Variants in STAC observed in about 807,000 individuals in gnomAD.
STAC encodes the protein SH3 and cysteine rich domain.
A neutral mutation model predicts 48.8 loss-of-function variants in STAC; 43 were observed. That is an observed-to-expected ratio of 0.88 (90% CI 0.69 to 1.14). The LOEUF (loss-of-function observed/expected upper bound fraction) is 1.14. Ranked by LOEUF, STAC falls within the 50% of genes most tolerant of loss-of-function variation. STAC has a pLI of 0.00. For synonymous variants in STAC, 193 were observed against 179.5 expected (o/e 1.07, Z -0.60); for missense variants, 497 against 504.0 (o/e 0.99, Z 0.13).
At position 36,538,741 on chromosome 3, in the gene STAC, T is replaced by C. The variant is rs1367651857; in HGVS notation, c.1111-7450T>C. On this transcript the variant is annotated intron_variant, in intron 10 of 10. Transcript: ENST00000273183. ...TTCATGCTAATCTGCATTTTCTGGA[T>C]GGTTAAAGAGGCTTACATTTTATCT... 2.6e-5 allele frequency among the ~76,000 whole-genome samples: 4 copies of C among 152,234 alleles called. No individual in the cohort carries two copies. The South Asian group carries it at 8.3e-4, about 32-fold the overall frequency.
chr3:36,507,933 G>A (rs1698443797), intron 8 of STAC, among the ~76,000 whole-genome samples: 1 of 152,084 alleles, frequency 6.6e-6, no homozygotes, highest in Admixed American at 6.6e-5. Flanking sequence ...GTTCTGCTCT[G>A]ATCTTAGTTA....
At chr3:36,534,840 A>G (rs1699162491) in intron 10 of STAC, among the ~76,000 whole-genome samples, 1 of 151,950 alleles carries the variant, frequency 6.6e-6, no homozygotes, top group South Asian at 2.1e-4. Flanking sequence ...TGATTTTTGT[A>G]TTTAATGTAG....
chr3:36,539,160 T>C (rs1699265261), intron 10 of STAC, among the ~76,000 whole-genome samples: 1 of 152,218 alleles, frequency 6.6e-6, no homozygotes, highest in Non-Finnish European at 1.5e-5. Flanking sequence ...TAGACTTTTC[T>C]TCTCAGTCAG....
chr3:36,515,415 G>C (rs182313032), intron 8 of STAC, among the ~76,000 whole-genome samples: 21 of 152,250 alleles, frequency 1.4e-4, no homozygotes, highest in African/African-American at 5.1e-4. Context: ...AGCTACAGTA[G>C]GATAAGTGGT....
chr3:36,403,017 C>T (rs1399197441), intron 1 of STAC, among the ~76,000 whole-genome samples: 2 of 152,216 alleles, frequency 1.3e-5, no homozygotes, highest in Non-Finnish European at 2.9e-5. Flanking sequence ...TAAGACGTAA[C>T]ACAAGGATTA....
rs1351937604 is a variant in STAC, at chr3:36,506,881, T to A, written c.920+1047T>A. Among the ~76,000 whole-genome samples, 3 of 152,218 alleles carry A rather than the reference T, an allele frequency of 2.0e-5. No individual in the cohort carries two copies. In the East Asian group the frequency reaches 5.8e-4, roughly 29 times the overall value. On this transcript the variant is annotated intron_variant, in intron 8 of 10. Coordinates refer to ENST00000273183, the MANE Select transcript of STAC (RefSeq NM_003149.3). ...CATGTCCTCTGCAAACAGAGACAAT[T>A]TGACTTCCTCTCTTTCTATTTGAAT... is the stretch of plus-strand genomic sequence containing the variant.
intron 6 of STAC, among the ~76,000 whole-genome samples, chr3:36,497,121 G>T (rs1389500451): frequency 1.3e-5 from 2 of 152,244 alleles, no homozygotes; most frequent in Middle Eastern, 3.4e-3. Context: ...AAAAAGAGCA[G>T]ATATTTTCCT....
chr3:36,533,489 T>G (rs1233598144), intron 10 of STAC, among the ~76,000 whole-genome samples: 10 of 149,858 alleles, frequency 6.7e-5, no homozygotes, highest in Non-Finnish European at 1.2e-4. Context: ...TTTTTTTTTT[T>G]TTTTTTTTTT....
intron 1 of STAC, among the ~76,000 whole-genome samples, chr3:36,432,129 T>C (rs879146315): frequency 6.6e-6 from 1 of 152,230 alleles, no homozygotes; most frequent in Admixed American, 6.5e-5. Flanking sequence ...GTCAGAGTTA[T>C]GAAGTAGCCC....
At chr3:36,396,187 A>G (rs2125621186) in intron 1 of STAC, among the ~76,000 whole-genome samples, 1 of 152,232 alleles carries the variant, frequency 6.6e-6, no homozygotes. Flanking sequence ...ATTTTGTTTT[A>G]GCAGATATTG....
intron 10 of STAC, among the ~76,000 whole-genome samples, chr3:36,535,523 G>A (rs1048398625): frequency 1.1e-4 from 16 of 152,128 alleles, no homozygotes; most frequent in Admixed American, 4.6e-4. Context: ...TAGAAGTGGC[G>A]AGAGAGGGCA....
chr3:36,423,436 C>A (rs962290805), intron 1 of STAC, among the ~76,000 whole-genome samples: 6 of 150,908 alleles, frequency 4.0e-5, no homozygotes, highest in Admixed American at 3.3e-4. Flanking sequence ...TAAATTAAAT[C>A]TCCCGTGCTA....
chr3:36,493,282 T>C (rs1698043422), intron 6 of STAC, 53 bp downstream of exon 6: 1 of 1,564,738 alleles, frequency 6.4e-7, no homozygotes, highest in South Asian at 1.1e-5. Flanking sequence ...TCAGGGTCAG[T>C]GGGCAGGCCA....
intron 2 of STAC, among the ~76,000 whole-genome samples, chr3:36,452,745 G>A (rs566509368): frequency 2.0e-4 from 30 of 152,348 alleles, no homozygotes; most frequent in African/African-American, 7.2e-4. Context: ...ATCTGGGAAC[G>A]CCAAGTCTGA....
intron 1 of STAC, among the ~76,000 whole-genome samples, chr3:36,391,265 T>A (rs1487667035): frequency 6.6e-6 from 1 of 152,204 alleles, no homozygotes; most frequent in African/African-American, 2.4e-5. Context: ...TGCTCTTTGA[T>A]CCCACTGGCA....
At chr3:36,491,953 A>C (rs939247319) in intron 5 of STAC, among the ~76,000 whole-genome samples, 4 of 134,316 alleles carry the variant, frequency 3.0e-5, no homozygotes, top group Non-Finnish European at 4.7e-5. Flanking sequence ...AATGGAGCTG[A>C]GATTGCACCA....
At chr3:36,517,245 G>A (rs910905845) in intron 8 of STAC, among the ~76,000 whole-genome samples, 1 of 152,160 alleles carries the variant, frequency 6.6e-6, no homozygotes, top group South Asian at 2.1e-4. Context: ...GAAATTAAGA[G>A]TCTTGGACAG....
intron 1 of STAC, among the ~76,000 whole-genome samples, chr3:36,384,321 A>G (rs1166716570): frequency 2.6e-5 from 4 of 152,132 alleles, no homozygotes; most frequent in African/African-American, 4.8e-5. Context: ...AATATCATCA[A>G]TATCAAAGGT....
At chr3:36,410,612 G>A (rs1700174436) in intron 1 of STAC, among the ~76,000 whole-genome samples, 1 of 152,062 alleles carries the variant, frequency 6.6e-6, no homozygotes, top group Non-Finnish European at 1.5e-5. Flanking sequence ...TGTTTGTTTT[G>A]GAGAAAAGCT....
Sources: allele counts gnomAD v4.1 joint callset (sites outside exome capture counted in the v4.1 genomes callset), GRCh38; gene constraint gnomAD v4.1.1; transcripts MANE v1.5; gene names NCBI Gene and HGNC (gene_info 2026-07-23, HGNC 2026-07-21).